The following ACSM6 variants were observed in gnomAD, a reference collection of about 807,000 sequenced individuals.
ACSM6 encodes acyl-CoA synthetase medium chain family member 6, also known as acyl-coenzyme A synthetase ACSM6, mitochondrial.
In ACSM6, 35 loss-of-function variants were observed where a neutral mutation model predicts 51.1. The ratio of observed to expected loss-of-function variants is 0.69; its 90% confidence interval spans 0.52 to 0.91. ACSM6 has a LOEUF of 0.91. Ranked by LOEUF, ACSM6 falls within the 40% of genes least tolerant of loss-of-function variation. The pLI is 0.00. For synonymous variants in ACSM6, 172 were observed against 207.3 expected, an observed-to-expected ratio of 0.83 and a Z score of 1.46; for missense variants, 509 against 584.1, an observed-to-expected ratio of 0.87 and a Z score of 1.32.
intron 2 of ACSM6, 82 bp from the exon 3 acceptor site, chr10:95,201,903 G>T: frequency 1.2e-5 from 14 of 1,200,598 alleles, no homozygotes; most frequent in Non-Finnish European, 1.7e-5. Flanking sequence ...AGCCACTTGA[G>T]GGTGCTGTCT....
intron 1 of ACSM6, 25 bp downstream of exon 1, chr10:95,194,328 C>A: frequency 3.0e-6 from 2 of 670,884 alleles, no homozygotes; most frequent in Non-Finnish European, 4.9e-6. Flanking sequence ...TCATGGGCTT[C>A]TTCTCCAATG....
chr10:95,197,108 G>A (rs557473244), intron 2 of ACSM6, among the ~76,000 whole-genome samples: 1 of 152,176 alleles, frequency 6.6e-6, no homozygotes, highest in Non-Finnish European at 1.5e-5. Context: ...TCGTGTGGTA[G>A]GGTGTGTTTC....
intron 8 of ACSM6, 112 bp from the exon 9 acceptor site, chr10:95,219,779 C>A: frequency 1.4e-6 from 1 of 725,758 alleles, no homozygotes; most frequent in Non-Finnish European, 2.3e-6. Context: ...ACTTGTTAGA[C>A]TGTGTAATGT....
intron 4 of ACSM6, among the ~76,000 whole-genome samples, chr10:95,210,168 C>A (rs2034879636): frequency 1.3e-5 from 2 of 152,140 alleles, no homozygotes. Context: ...TTGCTGGTAT[C>A]CCCTTAAATA....
At chr10:95,219,356 G>A (rs1392931509) in intron 8 of ACSM6, among the ~76,000 whole-genome samples, 1 of 151,216 alleles carries the variant, frequency 6.6e-6, no homozygotes, top group East Asian at 1.9e-4. Flanking sequence ...CTCATAAATA[G>A]CTTTAGTATA....
intron 8 of ACSM6, among the ~76,000 whole-genome samples, chr10:95,217,484 G>A (rs657109): frequency 0.7 from 106,925 of 152,028 alleles, 38,741 homozygotes; most frequent in Non-Finnish European, 0.78. Context: ...AATACCCAAT[G>A]TTTTTAAAAC....
intron 5 of ACSM6, 87 bp downstream of exon 5, chr10:95,210,880 G>A (rs1042393189): frequency 1.2e-5 from 17 of 1,427,614 alleles, no homozygotes; most frequent in Non-Finnish European, 1.6e-5. Context: ...TAAGAAAGGA[G>A]TTTCTTACTC....
At chr10:95,222,331 AAAC>A (rs373472415) in intron 9 of ACSM6, among the ~76,000 whole-genome samples, 121 of 152,298 alleles carry the variant, frequency 7.9e-4, no homozygotes, top group Middle Eastern at 3.4e-3. Flanking sequence ...GAAATTAAGA[AAAC>A]AATCTTGGCT....
intron 9 of ACSM6, among the ~76,000 whole-genome samples, chr10:95,220,820 T>C (rs2034988611): frequency 6.6e-6 from 1 of 152,182 alleles, no homozygotes; most frequent in African/African-American, 2.4e-5. Flanking sequence ...CCAGTAATCA[T>C]GAATAGGTAC....
At chr10:95,217,066 T>C (rs1199684978) in intron 8 of ACSM6, among the ~76,000 whole-genome samples, 1 of 152,124 alleles carries the variant, frequency 6.6e-6, no homozygotes, top group East Asian at 1.9e-4. Flanking sequence ...AATAGAGAAG[T>C]GGGCCAGGAG....
exon 3 of ACSM6, chr10:95,202,098 C>T (rs755001167): frequency 1.9e-6 from 3 of 1,552,242 alleles, no homozygotes; most frequent in South Asian, 2.4e-5. Flanking sequence ...CCAGCATCCT[C>T]TCAGACACCT....
intron 9 of ACSM6, among the ~76,000 whole-genome samples, chr10:95,223,849 GAAA>G: frequency 6.6e-6 from 1 of 152,068 alleles, no homozygotes; most frequent in East Asian, 1.9e-4. Context: ...TGGAAAAGAA[GAAA>G]TAAAACTATC....
At chr10:95,210,590 A>C (rs1003313279) in intron 4 of ACSM6, 60 bp from the exon 5 acceptor site, 9 of 1,538,214 alleles carry the variant, frequency 5.9e-6, no homozygotes, top group Non-Finnish European at 7.9e-6. Flanking sequence ...CCCAGGGCCT[A>C]GGCACTTAAT....
chr10:95,225,576 C>G, intron 10 of ACSM6, 185 bp downstream of exon 10: 1 of 456,566 alleles, frequency 2.2e-6, no homozygotes, highest in South Asian at 4.5e-5. Context: ...AAGATTTTGC[C>G]CCATTTACTT....
chr10:95,216,527 A>C (rs2034946618), intron 8 of ACSM6, among the ~76,000 whole-genome samples: 1 of 152,204 alleles, frequency 6.6e-6, no homozygotes, highest in Non-Finnish European at 1.5e-5. Flanking sequence ...TTAATGGATA[A>C]GGAATGACTG....
At chr10:95,214,741 G>A in intron 7 of ACSM6, 111 bp from the exon 8 acceptor site, 2 of 1,241,900 alleles carry the variant, frequency 1.6e-6, no homozygotes, top group Non-Finnish European at 2.2e-6. Flanking sequence ...CACTTAATGA[G>A]CATTTCCTGT....
intron 9 of ACSM6, among the ~76,000 whole-genome samples, chr10:95,222,921 G>A (rs1470187395): frequency 2.1e-5 from 3 of 143,936 alleles, no homozygotes; most frequent in Non-Finnish European, 4.4e-5. Context: ...GGCATAGATT[G>A]TGGTGACAGT....
At chr10:95,212,553 T>C (rs1241654732) in intron 6 of ACSM6, among the ~76,000 whole-genome samples, 1 of 152,200 alleles carries the variant, frequency 6.6e-6, no homozygotes. Context: ...TCTAGGCTTA[T>C]TATTTAAAGC....
At chr10:95,202,047 A>C in exon 3 of ACSM6, 1 of 1,551,850 alleles carries the variant, frequency 6.4e-7, no homozygotes, top group Non-Finnish European at 8.7e-7. Context: ...AAGAGGACAA[A>C]TGGAGCTTTG....
Sources: allele counts gnomAD v4.1 joint callset (sites outside exome capture counted in the v4.1 genomes callset), GRCh38; gene constraint gnomAD v4.1.1; transcripts MANE v1.5; gene names NCBI Gene and HGNC (gene_info 2026-07-23, HGNC 2026-07-21).